Variants in ROR2 observed in about 807,000 individuals in gnomAD.
The protein encoded by ROR2 is tyrosine-protein kinase transmembrane receptor ROR2.
In ROR2, 33 loss-of-function variants were observed where a neutral mutation model predicts 74.9. The ratio of observed to expected loss-of-function variants is 0.44; its 90% CI spans 0.33 to 0.59. The LOEUF is 0.59. Among genes scored for constraint, ROR2 ranks in the 20% least tolerant of loss-of-function variants. The pLI is 0.02. For synonymous variants in ROR2, 586 were observed against 558.7 expected (o/e 1.05, Z -0.69); for missense variants, 1,216 against 1,313.8 (o/e 0.93, Z 1.15).
intron 4 of ROR2, among the ~76,000 whole-genome samples, chr9:91,746,931 T>G (rs1406800548): frequency 1.3e-5 from 2 of 151,542 alleles, no homozygotes; most frequent in Non-Finnish European, 1.5e-5. Flanking sequence ...ATGGGGTGGG[T>G]CCAGGACAGC....
intron 1 of ROR2, among the ~76,000 whole-genome samples, chr9:91,948,143 G>A (rs1363278093): frequency 1.3e-5 from 2 of 152,154 alleles, no homozygotes; most frequent in African/African-American, 4.8e-5. Context: ...CAACCACCTT[G>A]GCTTAAGCAA....
chr9:91,886,336 G>A (rs916783922), intron 1 of ROR2, among the ~76,000 whole-genome samples: 1 of 152,058 alleles, frequency 6.6e-6, no homozygotes, highest in African/African-American at 2.4e-5. Flanking sequence ...CCCTCCCCTC[G>A]CCATTTCCAG....
At chr9:91,798,852 T>C (rs977306994) in intron 1 of ROR2, among the ~76,000 whole-genome samples, 1 of 152,160 alleles carries the variant, frequency 6.6e-6, no homozygotes, top group African/African-American at 2.4e-5. Context: ...CTCAGTTCTG[T>C]ATCTGTGAAG....
At chr9:91,900,312 C>G (rs543392088) in intron 1 of ROR2, among the ~76,000 whole-genome samples, 2 of 151,892 alleles carry the variant, frequency 1.3e-5, no homozygotes, top group Non-Finnish European at 2.9e-5. Context: ...GAAGGGCAGA[C>G]GGCAGACGCA....
chr9:91,831,821 T>C (rs1828471836), intron 1 of ROR2, among the ~76,000 whole-genome samples: 1 of 151,836 alleles, frequency 6.6e-6, no homozygotes, highest in Admixed American at 6.6e-5. Flanking sequence ...CTCAAAAAAA[T>C]AAAAAAGCAA....
chr9:91,947,119 T>C (rs1832031633), intron 1 of ROR2, among the ~76,000 whole-genome samples: 1 of 152,214 alleles, frequency 6.6e-6, no homozygotes, highest in Non-Finnish European at 1.5e-5. Flanking sequence ...TTGTTTAACA[T>C]TGCCTTAAAA....
Position 91,724,539 on chromosome 9 carries a change from G to T in ROR2, c.1955C>A (p.Ser652Ter). 2 of 1,614,208 alleles carry T rather than the reference G, an allele frequency of 1.2e-6. No homozygotes were observed. Among genetic ancestry groups the T allele is most frequent in the Non-Finnish European group, 8.5e-7 (1 of 1,180,042 alleles). The part of the protein sequence containing the change: ...AADYYKLLGN[S>*]LLPIRWMAPE... ...GGCCATCCAGCGGATAGGCAGCAGCGAGTTCCCCAGCAGCTTGTAGTAATC... is the reference window on the plus strand; with the variant it reads ...GGCCATCCAGCGGATAGGCAGCAGCTAGTTCCCCAGCAGCTTGTAGTAATC... The change falls in exon 9 of 9, where the codon TCG becomes TAG. Residue 652 changes from serine to a stop codon, truncating the protein, a stop_gained. Transcript: ENST00000375708. LOFTEE classifies it high-confidence loss of function.
chr9:91,859,766 A>AGTGAGCTGAGATCTTGCC (rs1829413620), intron 1 of ROR2, among the ~76,000 whole-genome samples: 2 of 152,196 alleles, frequency 1.3e-5, no homozygotes, highest in Non-Finnish European at 2.9e-5. Context: ...CAGAGCTTGC[A>AGTGAGCTGAGATCTTGCC]GTGAGCTGAG....
chr9:91,795,366 A>G (rs1827132980), intron 1 of ROR2, among the ~76,000 whole-genome samples: 1 of 152,238 alleles, frequency 6.6e-6, no homozygotes, highest in Admixed American at 6.5e-5. Flanking sequence ...TGTATATTTT[A>G]TGGTGACTGT....
At chr9:91,903,485 C>A (rs372350682) in intron 1 of ROR2, among the ~76,000 whole-genome samples, 1 of 150,606 alleles carries the variant, frequency 6.6e-6, no homozygotes, top group African/African-American at 2.4e-5. Context: ...TTTTTTTTTT[C>A]TCCTCAAGTC....
At chr9:91,732,217 G>A (rs982138106) in intron 6 of ROR2, among the ~76,000 whole-genome samples, 3 of 152,198 alleles carry the variant, frequency 2.0e-5, no homozygotes, top group African/African-American at 7.2e-5. Context: ...CCTCAGGGAG[G>A]CAACAACCCG....
intron 1 of ROR2, among the ~76,000 whole-genome samples, chr9:91,919,158 C>T (rs1040996948): frequency 6.6e-6 from 1 of 152,208 alleles, no homozygotes; most frequent in Admixed American, 6.5e-5. Context: ...CTTCCTCATA[C>T]TGCCAGGATA....
intron 1 of ROR2, among the ~76,000 whole-genome samples, chr9:91,876,423 T>G (rs1300225935): frequency 2.0e-5 from 3 of 152,096 alleles, no homozygotes; most frequent in Non-Finnish European, 4.4e-5. Flanking sequence ...TTGTATATCT[T>G]GGTACCCAGG....
At chr9:91,867,190 T>C (rs559226483) in intron 1 of ROR2, among the ~76,000 whole-genome samples, 3 of 152,336 alleles carry the variant, frequency 2.0e-5, no homozygotes, top group Admixed American at 1.3e-4. Flanking sequence ...AGAAGAGAGC[T>C]TCCAGAGGAG....
intron 1 of ROR2, among the ~76,000 whole-genome samples, chr9:91,810,189 A>T (rs376086590): frequency 7.2e-5 from 11 of 152,174 alleles, no homozygotes; most frequent in African/African-American, 2.7e-4. Flanking sequence ...ACAGAATCAG[A>T]ATGGGGTCTA....
chr9:91,840,828 A>G (rs1341421972), intron 1 of ROR2, among the ~76,000 whole-genome samples: 1 of 135,034 alleles, frequency 7.4e-6, no homozygotes. Context: ...TTCCTACGCA[A>G]GGACCTGAGA....
At chr9:91,937,259 G>C (rs1223610735) in intron 1 of ROR2, among the ~76,000 whole-genome samples, 1 of 152,236 alleles carries the variant, frequency 6.6e-6, no homozygotes, top group East Asian at 1.9e-4. Context: ...GCAAACTTGA[G>C]TGGAGGCTTT....
intron 2 of ROR2, among the ~76,000 whole-genome samples, chr9:91,775,383 C>G (rs888374388): frequency 1.3e-5 from 2 of 152,166 alleles, no homozygotes; most frequent in Admixed American, 1.3e-4. Flanking sequence ...TTCCAGGTGG[C>G]TGGGAGGAGG....
chr9:91,867,814 G>C (rs767054279), intron 1 of ROR2, among the ~76,000 whole-genome samples: 47 of 152,090 alleles, frequency 3.1e-4, no homozygotes, highest in Middle Eastern at 3.2e-3. Flanking sequence ...CACTATAGAG[G>C]CTTTGAAAGT....
Sources: gnomAD v4.1 joint callset for allele counts (sites outside exome capture counted in the v4.1 genomes callset) on GRCh38, gnomAD v4.1.1 for gene constraint, MANE v1.5 for transcripts, NCBI Gene and HGNC (gene_info 2026-07-23, HGNC 2026-07-21) for gene names.